The following ZSWIM5 variants were observed in gnomAD, a reference collection of about 807,000 sequenced individuals.
ZSWIM5 encodes zinc finger SWIM-type containing 5, also known as zinc finger SWIM domain-containing protein 5.
A neutral mutation model predicts 119.6 loss-of-function variants in ZSWIM5; 55 were observed. The ratio of observed to expected loss-of-function variants is 0.46; its 90% confidence interval spans 0.37 to 0.58. The LOEUF (loss-of-function observed/expected upper bound fraction) is 0.58, where lower values mean the gene tolerates loss of function less well. ZSWIM5 is among the 20% of genes least tolerant of loss of function. The pLI is 0.00. For missense variants in ZSWIM5, 1,193 were observed against 1,512.8 expected (o/e 0.79, Z 3.51); for synonymous variants, 537 against 606.9 (o/e 0.88, Z 1.69).
intron 1 of ZSWIM5, among the ~76,000 whole-genome samples, chr1:45,159,574 AT>A: frequency 6.6e-6 from 1 of 152,210 alleles, no homozygotes; most frequent in Non-Finnish European, 1.5e-5. Context: ...TGGAGAGGTT[AT>A]TGAGATATGA....
chr1:45,115,863 G>A (rs1050661315), intron 1 of ZSWIM5, among the ~76,000 whole-genome samples: 4 of 152,230 alleles, frequency 2.6e-5, no homozygotes, highest in African/African-American at 4.8e-5. Flanking sequence ...CGGCCGGGCA[G>A]AGGCTGCAAT....
intron 1 of ZSWIM5, among the ~76,000 whole-genome samples, chr1:45,180,768 C>T (rs1034688455): frequency 7.9e-5 from 12 of 152,202 alleles, no homozygotes; most frequent in Non-Finnish European, 1.3e-4. Context: ...GCAGCATTCA[C>T]GGATCACGAA....
chr1:45,105,040 G>GC lies in ZSWIM5; in HGVS notation c.596-16804dup, dbSNP rs568115200. On this transcript the variant is annotated intron_variant, in intron 1 of 13. Transcript: ENST00000359600. The stretch of plus-strand genomic sequence containing the variant: ...ATCTTCGGCTCGCCGCAACCTCCCT[G>GC]CCTTGGGCTCCGGTGATTCTCCTGC... Among the ~76,000 whole-genome samples the GC allele has an allele frequency of 2.7e-3, 406 of 152,282 alleles. 1 individual carries two copies. Among genetic ancestry groups the GC allele is most frequent in the Non-Finnish European group, 4.1e-3 (277 of 68,012 alleles).
chr1:45,201,225 C>T (rs1392316687), intron 1 of ZSWIM5, among the ~76,000 whole-genome samples: 1 of 152,220 alleles, frequency 6.6e-6, no homozygotes, highest in Non-Finnish European at 1.5e-5. Flanking sequence ...GAGCATAGCA[C>T]TGCCAACACC....
chr1:45,037,553 G>GAACAACA (rs1458746574), intron 8 of ZSWIM5, among the ~76,000 whole-genome samples: 1 of 152,206 alleles, frequency 6.6e-6, no homozygotes, highest in African/African-American at 2.4e-5. Flanking sequence ...AAAGGGATTA[G>GAACAACA]ACCATCTTGT....
chr1:45,105,329 C>A lies in ZSWIM5; in HGVS notation c.596-17092G>T, dbSNP rs529376241. Among the ~76,000 whole-genome samples, 876 of 152,338 alleles carry A rather than the reference C, an allele frequency of 5.8e-3. 11 individuals are homozygous for A. Among genetic ancestry groups the A allele is most frequent in the African/African-American group, 0.02 (828 of 41,580 alleles). On this transcript the variant is annotated intron_variant, in intron 1 of 13. Coordinates refer to ENST00000359600, the MANE Select transcript of ZSWIM5 (RefSeq NM_020883.2). ...TCCACCTCCCAGCCGCCTGCCTTGG[C>A]CTCCCAAAGTGCTAAGATTACAGCC...
In ZSWIM5 at chr1:45,022,363, C is replaced by T. The variant is rs372915123; in HGVS notation, c.2450-1575G>A. 3.3e-5 allele frequency among the ~76,000 whole-genome samples: 5 copies of T among 152,142 alleles called. No homozygotes were observed. The East Asian group carries it at 5.8e-4, about 18-fold the overall frequency. ...GCCAGGATGGTCTCGATCTCCTGAC[C>T]TCATGATCCACCCGCCTTGGTCTCC... is the stretch of plus-strand genomic sequence containing the variant. On this transcript the variant is annotated intron_variant, in intron 11 of 13. Transcript: ENST00000359600.
At chr1:45,137,753 A>C (rs907219761) in intron 1 of ZSWIM5, among the ~76,000 whole-genome samples, 1 of 152,242 alleles carries the variant, frequency 6.6e-6, no homozygotes, top group Middle Eastern at 3.2e-3. Flanking sequence ...AAGTTAGAGC[A>C]GTAACACAGG....
At chr1:45,055,014 T>C (rs1238284487) in intron 4 of ZSWIM5, among the ~76,000 whole-genome samples, 1 of 151,996 alleles carries the variant, frequency 6.6e-6, no homozygotes, top group Non-Finnish European at 1.5e-5. Context: ...TTTTTTAAGA[T>C]GGAGTCTCAT....
In ZSWIM5 at chr1:45,206,323, G is replaced by C. The variant is rs773737879; in HGVS notation, c.28C>G (p.Leu10Val). MADGGEREE[L>V]LSPSPVSPAK... is the part of the protein sequence containing the mutation. ...GGAGAGACCGGTGACGGCGAGAGCA[G>C]CTCCTCTCGCTCACCTCCGTCCGCC... is the stretch of plus-strand genomic sequence containing the variant. The change falls in exon 1 of 14, where the codon CTG becomes GTG. Residue 10 changes from leucine to valine, a missense_variant. Leu to Val is a conservative substitution (Grantham distance 32). Transcript: ENST00000359600. 1.3e-6 allele frequency: 2 copies of C among 1,505,252 alleles called. No homozygotes were observed. Among genetic ancestry groups the C allele is most frequent in the South Asian group, 2.6e-5 (2 of 77,874 alleles). 93.2% of individuals were successfully genotyped at this position (1,505,252 alleles called of 1,614,324 possible).
chr1:45,101,283 A>G (rs1373878443), intron 1 of ZSWIM5, among the ~76,000 whole-genome samples: 3 of 152,218 alleles, frequency 2.0e-5, no homozygotes, highest in South Asian at 4.1e-4. Flanking sequence ...CAACAGACAC[A>G]TGAAAAAATG....
chr1:45,194,102 T>C (rs908673718), intron 1 of ZSWIM5, among the ~76,000 whole-genome samples: 5 of 152,120 alleles, frequency 3.3e-5, no homozygotes, highest in African/African-American at 1.2e-4. Flanking sequence ...ATAACATCAA[T>C]GTATGTTGGT....
intron 1 of ZSWIM5, among the ~76,000 whole-genome samples, chr1:45,098,208 G>A (rs529257538): frequency 8.5e-5 from 13 of 152,152 alleles, no homozygotes; most frequent in Non-Finnish European, 1.9e-4. Context: ...AACAGGAAGC[G>A]GGAAAGTGAC....
Position 45,018,744 on chromosome 1 carries a change from C to T in ZSWIM5, c.3268G>A (p.Gly1090Ser), listed in dbSNP as rs958165026. 8.1e-6 allele frequency: 13 copies of T among 1,614,108 alleles called. No homozygotes were observed. The highest frequency in any genetic ancestry group is 1.3e-5 in the African/African-American group (1 of 74,932). Residue 1090 changes from glycine to serine, a missense_variant, in exon 14 of 14, where the codon GGC becomes AGC. This residue lies in a region of ZSWIM5 where 961 missense variants were observed against 1,290.0 expected (regional missense o/e 0.74). Coordinates refer to ENST00000359600, the MANE Select transcript of ZSWIM5 (RefSeq NM_020883.2). This position sits in a 1 kb window ranked among gnomAD's most constrained non-coding sequence, Gnocchi z 6.7. ...RCTVTAPGLA[G>S]IPGRRSSGKL... The stretch of plus-strand genomic sequence containing the variant: ...CCAGAGCTTCGGCGGCCTGGGATGC[C>T]GGCCAGGCCAGGTGCAGTCACTGTG...
At chr1:45,138,977 C>T (rs1020655767) in intron 1 of ZSWIM5, among the ~76,000 whole-genome samples, 6 of 151,418 alleles carry the variant, frequency 4.0e-5, no homozygotes, top group East Asian at 3.9e-4. Context: ...CTGCAACCTC[C>T]GCCTCCTGGG....
At chr1:45,086,109 A>G (rs1384893213) in intron 2 of ZSWIM5, among the ~76,000 whole-genome samples, 2 of 152,208 alleles carry the variant, frequency 1.3e-5, no homozygotes, top group Non-Finnish European at 2.9e-5. Flanking sequence ...ATCATGGTGG[A>G]AGGCAAAAGG....
At position 45,019,461 on chromosome 1, in the gene ZSWIM5, C is replaced by G. The variant is rs1438649887; in HGVS notation, c.2696-145G>C. 1 of 1,095,070 alleles carries G rather than the reference C, an allele frequency of 9.1e-7. No homozygotes were observed. Among genetic ancestry groups the G allele is most frequent in the African/African-American group, 1.6e-5 (1 of 63,720 alleles). The allele number at this position is 1,095,070 out of a possible 1,614,324, so 67.8% of individuals were successfully genotyped here. On this transcript the variant is annotated intron_variant, in intron 13 of 13. Coordinates refer to ENST00000359600, the MANE Select transcript of ZSWIM5 (RefSeq NM_020883.2). The surrounding 1 kb of genome is among the most constrained non-coding windows in gnomAD (Gnocchi z 5.0). ...TGAGATGATATGAGGCAAACCAGGG[C>G]AAGGGGAGCATCCCAGATGGCCAGA... is the stretch of plus-strand genomic sequence containing the variant.
At chr1:45,166,048 C>T (rs1645900376) in intron 1 of ZSWIM5, among the ~76,000 whole-genome samples, 1 of 152,148 alleles carries the variant, frequency 6.6e-6, no homozygotes, top group South Asian at 2.1e-4. Context: ...CCCTGATGAA[C>T]ATCGATGCGA....
chr1:45,044,487 G>T (rs866339754), intron 5 of ZSWIM5, among the ~76,000 whole-genome samples: 49 of 150,782 alleles, frequency 3.2e-4, no homozygotes, highest in African/African-American at 1.1e-3. Context: ...GCTTTGGGAG[G>T]CTGAGGTGGG....
Sources: gnomAD v4.1 joint callset for allele counts (sites outside exome capture counted in the v4.1 genomes callset) on GRCh38, gnomAD v4.1.1 for gene constraint, gnomAD v4.1.1 regional missense constraint, Gnocchi (gnomAD v3.1) non-coding constraint, MANE v1.5 for transcripts, NCBI Gene and HGNC (gene_info 2026-07-23, HGNC 2026-07-21) for gene names.